ZSCAN25: variants seen among roughly 807,000 people sequenced by gnomAD.
ZSCAN25 encodes zinc finger and SCAN domain containing 25, also known as zinc finger and SCAN domain-containing protein 25.
In ZSCAN25, 27 loss-of-function variants were observed where a neutral mutation model predicts 38.7. The observed-to-expected ratio is 0.70, with a 90% CI of 0.51 to 0.96. ZSCAN25 has a LOEUF of 0.96. Among genes scored for constraint, ZSCAN25 ranks in the 40% least tolerant of loss-of-function variants. The probability of loss-of-function intolerance (pLI) is 0.00; values close to 1 mark genes in which losing one functional copy is unlikely to be tolerated. For synonymous variants in ZSCAN25, 273 were observed against 277.7 expected, an observed-to-expected ratio of 0.98 and a Z score of 0.17; for missense variants, 637 against 705.9, an observed-to-expected ratio of 0.90 and a Z score of 1.11.
chr7:99,703,777 C>T, the ZSCAN25 span, among the ~76,000 whole-genome samples: 1 of 152,080 alleles, frequency 6.6e-6, no homozygotes, highest in Non-Finnish European at 1.5e-5. Context: ...CCCTCCTGAC[C>T]TCACATGGGT....
chr7:99,729,244 C>A, the ZSCAN25 span, among the ~76,000 whole-genome samples: 3 of 152,142 alleles, frequency 2.0e-5, no homozygotes, highest in African/African-American at 7.2e-5. Context: ...AGACTATCAC[C>A]AATTATTCTA....
chr7:99,665,571 T>C, the ZSCAN25 span, among the ~76,000 whole-genome samples: 1 of 152,322 alleles, frequency 6.6e-6, no homozygotes, highest in Non-Finnish European at 1.5e-5. Context: ...AGCCCAGTCA[T>C]AGGAAGACAG....
At chr7:99,639,700 G>GGCACTATGC in the ZSCAN25 span, among the ~76,000 whole-genome samples, 1 of 152,240 alleles carries the variant, frequency 6.6e-6, no homozygotes, top group Non-Finnish European at 1.5e-5. Flanking sequence ...TATGGTGAGA[G>GGCACTATGC]CAGTTTCAGT....
At chr7:99,652,421 A>T in the ZSCAN25 span, 12 of 639,784 alleles carry the variant, frequency 1.9e-5, no homozygotes, top group African/African-American at 5.5e-5. Context: ...GATAATTATC[A>T]CTTTTTTGTG....
chr7:99,734,715 A>G, the ZSCAN25 span, among the ~76,000 whole-genome samples: 1 of 149,242 alleles, frequency 6.7e-6, no homozygotes, highest in Non-Finnish European at 1.5e-5. Context: ...TCCGCCTCCC[A>G]GGTTCAAGCA....
At chr7:99,705,683 A>G in the ZSCAN25 span, 3 of 1,510,352 alleles carry the variant, frequency 2.0e-6, no homozygotes, top group Non-Finnish European at 2.7e-6. Context: ...ATTACTGACA[A>G]TAATGCTTTG....
the ZSCAN25 span, among the ~76,000 whole-genome samples, chr7:99,641,768 A>G: frequency 6.6e-6 from 1 of 152,126 alleles, no homozygotes; most frequent in Non-Finnish European, 1.5e-5. Flanking sequence ...TGTTGGCCCT[A>G]CTTTCAAAAT....
the ZSCAN25 span, chr7:99,663,705 G>C: frequency 9.3e-7 from 1 of 1,071,626 alleles, no homozygotes; most frequent in African/African-American, 1.7e-5. Flanking sequence ...GGGAAGAGAA[G>C]TGGTAAAATT....
chr7:99,704,417 G>C, the ZSCAN25 span, among the ~76,000 whole-genome samples: 1 of 151,824 alleles, frequency 6.6e-6, no homozygotes, highest in Non-Finnish European at 1.5e-5. Flanking sequence ...CAGCCTCCTG[G>C]GTAGCTGAGA....
the ZSCAN25 span, among the ~76,000 whole-genome samples, chr7:99,711,995 C>T: frequency 1.4e-4 from 21 of 152,104 alleles, no homozygotes; most frequent in African/African-American, 5.1e-4. Context: ...TGAAGATGGA[C>T]AAAAAGCTAG....
the ZSCAN25 span, among the ~76,000 whole-genome samples, chr7:99,669,521 C>G: frequency 6.6e-6 from 1 of 152,166 alleles, no homozygotes; most frequent in East Asian, 1.9e-4. Context: ...CCTTGAGAAA[C>G]TGATATTTCT....
At chr7:99,622,666 A>C in intron 6 of ZSCAN25, 26 bp downstream of exon 6, 1 of 1,606,838 alleles carries the variant, frequency 6.2e-7, no homozygotes, top group East Asian at 2.2e-5. Context: ...CTTTGCAGAA[A>C]TCATGACCGT....
downstream of ZSCAN25, among the ~76,000 whole-genome samples, chr7:99,632,644 A>C (rs1808087380): frequency 2.0e-5 from 3 of 152,072 alleles, no homozygotes; most frequent in South Asian, 6.2e-4. Flanking sequence ...ACAAATATTA[A>C]CTGGGCATGG....
the ZSCAN25 span, chr7:99,647,888 A>G: frequency 2.0e-6 from 2 of 984,242 alleles, no homozygotes; most frequent in African/African-American, 3.5e-5. Flanking sequence ...TTAATATAAA[A>G]CTTATAGAAT....
At chr7:99,671,551 C>A in the ZSCAN25 span, 1 of 355,182 alleles carries the variant, frequency 2.8e-6, no homozygotes, top group Non-Finnish European at 5.1e-6. Flanking sequence ...AGAAAATGAA[C>A]CTTGATCTAA....
At chr7:99,636,514 G>T (rs551796295), downstream of ZSCAN25, among the ~76,000 whole-genome samples, 1 of 152,092 alleles carries the variant, frequency 6.6e-6, no homozygotes, top group Non-Finnish European at 1.5e-5. Context: ...TGGCCAAAGC[G>T]TGAAGGACCA....
At chr7:99,695,660 C>G in the ZSCAN25 span, 1 of 1,138,930 alleles carries the variant, frequency 8.8e-7, no homozygotes, top group Non-Finnish European at 1.3e-6. Flanking sequence ...TCAGACCTTC[C>G]TCCTGAGGAG....
the ZSCAN25 span, among the ~76,000 whole-genome samples, chr7:99,688,545 A>G: frequency 3.9e-5 from 6 of 152,206 alleles, no homozygotes; most frequent in Non-Finnish European, 2.9e-5. Context: ...ACCTACAAAG[A>G]GACTTTGACT....
the ZSCAN25 span, chr7:99,663,815 C>T: frequency 1.5e-6 from 2 of 1,342,356 alleles, no homozygotes; most frequent in African/African-American, 3.0e-5. Flanking sequence ...CTTCCCCAAT[C>T]TCCTTCTTTA....
Sources: gnomAD v4.1 joint callset for allele counts (sites outside exome capture counted in the v4.1 genomes callset) on GRCh38, gnomAD v4.1.1 for gene constraint, MANE v1.5 for transcripts, NCBI Gene and HGNC (gene_info 2026-07-23, HGNC 2026-07-21) for gene names.